SCUBE1: variants seen among roughly 807,000 people sequenced by gnomAD.
The protein encoded by SCUBE1 is signal peptide, CUB and EGF-like domain-containing protein 1.
SCUBE1 carries 59 observed loss-of-function variants against 124.4 expected under a neutral mutation model. The ratio of observed to expected loss-of-function variants is 0.47; its 90% confidence interval spans 0.38 to 0.59. The LOEUF (loss-of-function observed/expected upper bound fraction) is 0.59. SCUBE1 is among the 20% of genes least tolerant of loss of function. SCUBE1 has a pLI of 0.00. For missense variants in SCUBE1, 1,150 were observed against 1,371.2 expected (o/e 0.84, Z 2.55); for synonymous variants, 545 against 550.9 (o/e 0.99, Z 0.15).
At chr22:43,227,555 G>A (rs1922375034) in intron 9 of SCUBE1, 59 bp from the exon 10 acceptor site, 1 of 1,588,720 alleles carries the variant, frequency 6.3e-7, no homozygotes, top group South Asian at 1.1e-5. Context: ...GCTGGCAGGG[G>A]AAGGGACCAC....
intron 2 of SCUBE1, among the ~76,000 whole-genome samples, chr22:43,332,502 C>T (rs1204421161): frequency 6.6e-6 from 1 of 152,132 alleles, no homozygotes; most frequent in African/African-American, 2.4e-5. Flanking sequence ...AGGAGCCTCC[C>T]CTAATGCTTT....
intron 4 of SCUBE1, among the ~76,000 whole-genome samples, chr22:43,264,820 A>G (rs1924001804): frequency 6.6e-6 from 1 of 152,070 alleles, no homozygotes; most frequent in Non-Finnish European, 1.5e-5. Flanking sequence ...ACCCTCTCCT[A>G]TCTTCCATAA....
At chr22:43,260,367 G>A (rs1355200503) in intron 5 of SCUBE1, among the ~76,000 whole-genome samples, 2 of 152,222 alleles carry the variant, frequency 1.3e-5, no homozygotes, top group African/African-American at 4.8e-5. Flanking sequence ...TCAAGCTCTG[G>A]TGAGACGGAT....
In SCUBE1 at chr22:43,234,158, C is replaced by T. The variant is rs1210279364; in HGVS notation, c.845-2283G>A. 2.0e-5 allele frequency among the ~76,000 whole-genome samples: 3 copies of T among 151,944 alleles called. No individual in the cohort carries two copies. Among genetic ancestry groups the T allele is most frequent in the Non-Finnish European group, 2.9e-5 (2 of 67,982 alleles). On this transcript the variant is annotated intron_variant, in intron 7 of 21. Coordinates refer to ENST00000360835, the MANE Select transcript of SCUBE1 (RefSeq NM_173050.5). The surrounding 1 kb of genome is among the most constrained non-coding windows in gnomAD (Gnocchi z 4.4). ...ATCTCTATCATTCCTTCCCCCCGAGCCCCGGGATTATAGGCAGATGGGGAA... is the reference window on the plus strand; with the variant it reads ...ATCTCTATCATTCCTTCCCCCCGAGTCCCGGGATTATAGGCAGATGGGGAA...
chr22:43,264,512 C>T (rs1169417835), intron 4 of SCUBE1, among the ~76,000 whole-genome samples: 1 of 152,190 alleles, frequency 6.6e-6, no homozygotes, highest in Non-Finnish European at 1.5e-5. Flanking sequence ...TCCCAGGCTA[C>T]TGAGACATAT....
At chr22:43,328,708 T>C (rs1349321960) in intron 2 of SCUBE1, among the ~76,000 whole-genome samples, 2 of 152,188 alleles carry the variant, frequency 1.3e-5, no homozygotes, top group African/African-American at 4.8e-5. Context: ...GGGCAGGGCC[T>C]GAGCTGGCCT....
At chr22:43,300,616 C>T (rs1925735452) in intron 3 of SCUBE1, among the ~76,000 whole-genome samples, 2 of 152,214 alleles carry the variant, frequency 1.3e-5, no homozygotes, top group South Asian at 4.1e-4. Context: ...GTTCTTTATA[C>T]ATCCTGGATA....
At chr22:43,335,750 G>A (rs1927043275) in intron 2 of SCUBE1, among the ~76,000 whole-genome samples, 2 of 151,968 alleles carry the variant, frequency 1.3e-5, no homozygotes. Flanking sequence ...TGATGATGAT[G>A]ATGATGATGA....
chr22:43,301,414 G>A (rs543283299), intron 3 of SCUBE1, among the ~76,000 whole-genome samples: 135 of 152,194 alleles, frequency 8.9e-4, no homozygotes, highest in African/African-American at 1.3e-3. Flanking sequence ...TCGCTCACCC[G>A]CCTCCAGCCA....
chr22:43,301,710 G>A (rs113694711), intron 3 of SCUBE1, among the ~76,000 whole-genome samples: 1,844 of 152,254 alleles, frequency 0.012, 45 homozygotes, highest in African/African-American at 0.042. Flanking sequence ...CTACCCCCAG[G>A]CAACACAGAG....
chr22:43,228,314 C>A (rs1324088089), intron 9 of SCUBE1, among the ~76,000 whole-genome samples: 1 of 152,180 alleles, frequency 6.6e-6, no homozygotes, highest in East Asian at 1.9e-4. Flanking sequence ...CTCTTTGTTC[C>A]GTCGCTGCCC....
chr22:43,204,448 A>G (rs143482557), intron 21 of SCUBE1, among the ~76,000 whole-genome samples: 2,811 of 151,828 alleles, frequency 0.019, 40 homozygotes, highest in Middle Eastern at 0.044. Flanking sequence ...ATAGGCATGC[A>G]CCACCACACC....
intron 5 of SCUBE1, among the ~76,000 whole-genome samples, chr22:43,260,352 T>G (rs1285069393): frequency 6.6e-6 from 1 of 152,222 alleles, no homozygotes; most frequent in Non-Finnish European, 1.5e-5. Context: ...CAGAGATGTC[T>G]GAGCTCAAGC....
At chr22:43,271,547 T>C (rs5759244) in intron 4 of SCUBE1, among the ~76,000 whole-genome samples, 54,913 of 152,004 alleles carry the variant, frequency 0.36, 10,088 homozygotes, top group East Asian at 0.47. Flanking sequence ...CCTAATTCCA[T>C]GCTGACAGCA....
chr22:43,293,110 C>A (rs954227400), intron 3 of SCUBE1, among the ~76,000 whole-genome samples: 1 of 152,178 alleles, frequency 6.6e-6, no homozygotes, highest in African/African-American at 2.4e-5. Context: ...TGGTCGCCTC[C>A]CTCCCCTCCA....
rs562705950 is a variant in SCUBE1, at chr22:43,217,164, G to A, written c.1891+1091C>T. 2.5e-3 allele frequency among the ~76,000 whole-genome samples: 184 copies of A among 74,812 alleles called. 13 individuals are homozygous for A. Among genetic ancestry groups the A allele is most frequent in the African/African-American group, 7.1e-3 (171 of 24,194 alleles). 49.1% of individuals were successfully genotyped at this position (74,812 alleles called of 152,430 possible). A position where few individuals can be genotyped will look rare whatever the true frequency, so the allele number is the denominator to read the frequency against. ...TCTCCAACAGCTTCCCTCCTCCCCC[G>A]CCAGGTATCATTTCTTCTCCTCCGG... On this transcript the variant is annotated intron_variant, in intron 15 of 21. Transcript: ENST00000360835.
intron 3 of SCUBE1, among the ~76,000 whole-genome samples, chr22:43,300,067 T>C (rs1004873107): frequency 1.3e-5 from 2 of 152,246 alleles, no homozygotes; most frequent in Admixed American, 1.3e-4. Context: ...GTGGCTGTTA[T>C]GAACGGTGCT....
intron 3 of SCUBE1, among the ~76,000 whole-genome samples, chr22:43,299,437 C>CTG (rs1283053080): frequency 6.6e-6 from 1 of 152,232 alleles, no homozygotes; most frequent in Non-Finnish European, 1.5e-5. Context: ...GCTCCTGACA[C>CTG]TGTTCCCTCC....
At chr22:43,271,569 A>G (rs557562102) in intron 4 of SCUBE1, among the ~76,000 whole-genome samples, 1 of 152,228 alleles carries the variant, frequency 6.6e-6, no homozygotes, top group Non-Finnish European at 1.5e-5. Context: ...CTGCCCCTGG[A>G]GTGGCACACT....
Sources: allele counts gnomAD v4.1 joint callset (sites outside exome capture counted in the v4.1 genomes callset), GRCh38; gene constraint gnomAD v4.1.1; non-coding constraint Gnocchi (gnomAD v3.1); transcripts MANE v1.5; gene names NCBI Gene and HGNC (gene_info 2026-07-23, HGNC 2026-07-21).